Variants in CNNM1 observed in about 807,000 individuals in gnomAD.
CNNM1 encodes cyclin and CBS domain divalent metal cation transport mediator 1, also known as metal transporter CNNM1.
Under a neutral mutation model 78.8 loss-of-function variants are expected in CNNM1, and 44 were observed. The observed-to-expected ratio is 0.56, with a 90% CI of 0.44 to 0.72. The LOEUF (loss-of-function observed/expected upper bound fraction) is 0.72, where lower values mean the gene tolerates loss of function less well. CNNM1 is among the 30% of genes least tolerant of loss of function. CNNM1 has a pLI of 0.00. For missense variants in CNNM1, 1,101 were observed against 1,292.2 expected (o/e 0.85, Z 2.27); for synonymous variants, 584 against 581.5 (o/e 1.00, Z -0.06).
At position 99,330,925 on chromosome 10, in the gene CNNM1, C is replaced by G. The variant is rs1015081476; in HGVS notation, c.1538C>G (p.Thr513Ser). 6.2e-7 allele frequency: 1 copy of G among 1,613,816 alleles called. No individual in the cohort carries two copies. The highest frequency in any genetic ancestry group is 8.5e-7 in the Non-Finnish European group (1 of 1,179,918). ...CCCCTGCATTGTGTTTTCAATGACA[C>G]CCGACTGGACACGGTTCTGGAGGAG... ...NRPLHCVFNDTRLDTVLEEFK... is the reference protein window; with the variant it reads ...NRPLHCVFNDSRLDTVLEEFK... The change falls in exon 1 of 11, where the codon ACC becomes AGC. Residue 513 changes from threonine to serine, a missense_variant. By Grantham distance (58) the Thr-to-Ser change is moderately conservative. Around this residue, in one of 3 missense-constraint regions of CNNM1, gnomAD observed 277 missense variants for 423.2 expected, o/e 0.65. Coordinates refer to ENST00000356713, the MANE Select transcript of CNNM1 (RefSeq NM_020348.3).
intron 1 of CNNM1, among the ~76,000 whole-genome samples, chr10:99,349,986 G>A (rs1156238620): frequency 6.6e-6 from 1 of 152,138 alleles, no homozygotes; most frequent in African/African-American, 2.4e-5. Flanking sequence ...GCAACAGAGT[G>A]AGACTCAGTC....
At position 99,391,486 on chromosome 10, in the gene CNNM1, C is replaced by A. The variant is rs780650014; in HGVS notation, c.2826C>A (p.Asp942Glu). The change falls in exon 11 of 11, where the codon GAC becomes GAA. Residue 942 changes from aspartate (D) to glutamate (E), a missense_variant. By Grantham distance (45) the Asp-to-Glu change is conservative (BLOSUM62 2). This residue lies in a region of CNNM1 where 348 missense variants were observed against 384.5 expected (regional missense o/e 0.90). Transcript: ENST00000356713. Reference protein sequence around the residue: ...RSPEGERTSEDNSNLTPLIT With the variant: ...RSPEGERTSEENSNLTPLIT ...CAGAAGGAGAGAGAACCTCTGAGGACAACTCCAATTTAACACCTCTGATCA... is the reference window on the plus strand; with the variant it reads ...CAGAAGGAGAGAGAACCTCTGAGGAAAACTCCAATTTAACACCTCTGATCA... 1 of 1,613,910 alleles carries A rather than the reference C, an allele frequency of 6.2e-7. No homozygotes were observed. The highest frequency in any genetic ancestry group is 2.2e-5 in the East Asian group (1 of 44,882).
intron 1 of CNNM1, among the ~76,000 whole-genome samples, chr10:99,332,914 T>C (rs755436390): frequency 2.6e-5 from 4 of 152,248 alleles, no homozygotes; most frequent in African/African-American, 4.8e-5. Flanking sequence ...CTTAGAATTA[T>C]GCTTACATTT....
intron 1 of CNNM1, among the ~76,000 whole-genome samples, chr10:99,337,385 G>A (rs550778030): frequency 6.6e-6 from 1 of 152,240 alleles, no homozygotes; most frequent in South Asian, 2.1e-4. Flanking sequence ...CAGCCTCATC[G>A]CTCACCACTC....
intron 9 of CNNM1, among the ~76,000 whole-genome samples, chr10:99,389,011 CT>C (rs946791521): frequency 6.6e-6 from 1 of 152,184 alleles, no homozygotes; most frequent in Non-Finnish European, 1.5e-5. Context: ...CAGTAGCCCC[CT>C]ATGCCTGCAC....
rs2134088438 is a variant in CNNM1, at chr10:99,391,895, G to T, written c.*379G>T. ...TAGGAGACCTATCGTCTTGGAACTT[G>T]CCATTCTTTCCTCCAGAACAAAATG... On this transcript the variant is annotated 3_prime_UTR_variant, in exon 11 of 11. Coordinates refer to ENST00000356713, the MANE Select transcript of CNNM1 (RefSeq NM_020348.3). 5.6e-6 allele frequency: 1 copy of T among 179,844 alleles called. No individual in the cohort carries two copies. The highest frequency in any genetic ancestry group is 5.5e-5 in the Admixed American group (1 of 18,142). The allele number at this position is 179,844 out of a possible 1,614,324, so 11.1% of individuals were successfully genotyped here.
intron 2 of CNNM1, among the ~76,000 whole-genome samples, chr10:99,360,161 A>G (rs1036448680): frequency 6.6e-5 from 10 of 152,244 alleles, no homozygotes; most frequent in African/African-American, 1.4e-4. Context: ...CTTCTTCCCT[A>G]TATTTCCCCT....
At chr10:99,367,982 A>G (rs2031680791) in intron 6 of CNNM1, among the ~76,000 whole-genome samples, 1 of 152,246 alleles carries the variant, frequency 6.6e-6, no homozygotes, top group Admixed American at 6.5e-5. Flanking sequence ...ACTTTGGACC[A>G]CTGGTACTTA....
At chr10:99,380,180 A>G (rs528921913) in intron 7 of CNNM1, among the ~76,000 whole-genome samples, 2 of 152,230 alleles carry the variant, frequency 1.3e-5, no homozygotes, top group South Asian at 4.2e-4. Context: ...ATTCACCCTT[A>G]TATCCTAATC....
At chr10:99,334,799 G>A (rs1293318069) in intron 1 of CNNM1, among the ~76,000 whole-genome samples, 4 of 152,140 alleles carry the variant, frequency 2.6e-5, no homozygotes, top group African/African-American at 9.7e-5. Context: ...ATTAATAGGA[G>A]CCACAGTTAC....
chr10:99,378,274 T>C (rs979685714), intron 7 of CNNM1, among the ~76,000 whole-genome samples: 2 of 152,198 alleles, frequency 1.3e-5, no homozygotes, highest in Non-Finnish European at 2.9e-5. Flanking sequence ...TTTTGTTTCC[T>C]AGTATTCTGC....
chr10:99,355,219 G>A (rs1164491766), intron 1 of CNNM1, among the ~76,000 whole-genome samples: 1 of 143,080 alleles, frequency 7.0e-6, no homozygotes, highest in Non-Finnish European at 1.5e-5. Context: ...GGTGGGAATT[G>A]AACAATGAGA....
At chr10:99,356,912 T>C (rs2031238690) in intron 1 of CNNM1, among the ~76,000 whole-genome samples, 1 of 152,158 alleles carries the variant, frequency 6.6e-6, no homozygotes, top group Admixed American at 6.5e-5. Flanking sequence ...GCCTCAGAAG[T>C]CCTATAATGA....
Position 99,364,486 on chromosome 10 carries a change from G to T in CNNM1, c.2098G>T (p.Val700Phe). Reference protein sequence around the residue: ...FENGAFTYYGVPAIMTTACSD... With the variant: ...FENGAFTYYGFPAIMTTACSD... ...AAATGGAGCCTTTACTTACTATGGCGTCCCAGCCATCATGACCACTGCTTG... is the reference window on the plus strand; with the variant it reads ...AAATGGAGCCTTTACTTACTATGGCTTCCCAGCCATCATGACCACTGCTTG... The change falls in exon 5 of 11, where the codon GTC (valine) becomes TTC (phenylalanine). Residue 700 changes from valine to phenylalanine, a missense_variant. Physicochemically the swap from Val to Phe is conservative, Grantham distance 50. Coordinates refer to ENST00000356713, the MANE Select transcript of CNNM1 (RefSeq NM_020348.3). 6.2e-7 allele frequency: 1 copy of T among 1,611,834 alleles called. No homozygotes were observed. Among genetic ancestry groups the T allele is most frequent in the Non-Finnish European group, 8.5e-7 (1 of 1,179,124 alleles).
At chr10:99,369,483 G>A (rs2134060305) in intron 6 of CNNM1, among the ~76,000 whole-genome samples, 1 of 152,078 alleles carries the variant, frequency 6.6e-6, no homozygotes, top group East Asian at 1.9e-4. Context: ...CTCAGTCATC[G>A]AGAAATCGCT....
intron 6 of CNNM1, among the ~76,000 whole-genome samples, chr10:99,376,594 T>C (rs1346517130): frequency 6.6e-6 from 1 of 152,202 alleles, no homozygotes; most frequent in Middle Eastern, 3.4e-3. Context: ...TTGGAGTTGA[T>C]GTAAAATACC....
chr10:99,389,398 C>CAG (rs992294598), intron 9 of CNNM1, among the ~76,000 whole-genome samples: 2 of 112,818 alleles, frequency 1.8e-5, no homozygotes, highest in African/African-American at 3.5e-5. Context: ...GCCTGGGTGA[C>CAG]AGAGTGAGAT....
intron 7 of CNNM1, among the ~76,000 whole-genome samples, chr10:99,383,970 G>T (rs75567506): frequency 0.049 from 7,410 of 151,310 alleles, 315 homozygotes; most frequent in South Asian, 0.13. Flanking sequence ...AGACCAGTGC[G>T]AAAAAGAATG....
chr10:99,378,244 G>A (rs1180668617), intron 7 of CNNM1, among the ~76,000 whole-genome samples: 5 of 152,182 alleles, frequency 3.3e-5, no homozygotes, highest in Non-Finnish European at 7.3e-5. Context: ...TTACAGGCGT[G>A]AGCCACCGCG....
Sources: allele counts gnomAD v4.1 joint callset (sites outside exome capture counted in the v4.1 genomes callset), GRCh38; gene constraint gnomAD v4.1.1; regional missense constraint gnomAD v4.1.1; transcripts MANE v1.5; gene names NCBI Gene and HGNC (gene_info 2026-07-23, HGNC 2026-07-21).